Variants in SPAG16 observed in about 807,000 individuals in gnomAD.
SPAG16 encodes sperm associated antigen 16.
A neutral mutation model predicts 80.4 loss-of-function variants in SPAG16; 86 were observed. That is an observed-to-expected ratio of 1.07 (90% CI 0.90 to 1.28). The LOEUF (loss-of-function observed/expected upper bound fraction) is 1.28. SPAG16 is among the 50% of genes most tolerant of loss of function. The probability of loss-of-function intolerance (pLI) is 0.00; values close to 1 mark genes in which losing one functional copy is unlikely to be tolerated. For missense variants in SPAG16, 870 were observed against 765.3 expected (o/e 1.14, Z -1.61); for synonymous variants, 294 against 265.9 (o/e 1.11, Z -1.03).
chr2:213,349,063 C>T (rs1317702126), intron 6 of SPAG16, among the ~76,000 whole-genome samples: 1 of 152,066 alleles, frequency 6.6e-6, no homozygotes, highest in Non-Finnish European at 1.5e-5. Context: ...TTTTAAAAAT[C>T]TCAGGGGATT....
chr2:214,275,989 CAT>C (rs1385837514), intron 15 of SPAG16, among the ~76,000 whole-genome samples: 3 of 152,244 alleles, frequency 2.0e-5, no homozygotes, highest in Admixed American at 2.0e-4. Context: ...GTATTGGGTG[CAT>C]ATATATTTAG....
chr2:213,659,032 C>T (rs1275785223), intron 10 of SPAG16, among the ~76,000 whole-genome samples: 1 of 151,576 alleles, frequency 6.6e-6, no homozygotes, highest in Non-Finnish European at 1.5e-5. Context: ...GAGACTCTGT[C>T]TCAAAAAAAA....
At chr2:214,059,383 C>T (rs1416974062) in intron 13 of SPAG16, among the ~76,000 whole-genome samples, 2 of 150,500 alleles carry the variant, frequency 1.3e-5, no homozygotes, top group Admixed American at 1.3e-4. Context: ...ATTTGTTACC[C>T]TTTTCTTCTT....
At chr2:213,507,540 T>A (rs762713918) in intron 10 of SPAG16, among the ~76,000 whole-genome samples, 3 of 152,220 alleles carry the variant, frequency 2.0e-5, no homozygotes, top group Non-Finnish European at 4.4e-5. Flanking sequence ...CCTCAGTAGA[T>A]GATAGTCTTT....
intron 10 of SPAG16, among the ~76,000 whole-genome samples, chr2:213,848,773 C>T (rs1020924133): frequency 3.3e-5 from 5 of 152,154 alleles, no homozygotes; most frequent in African/African-American, 7.2e-5. Flanking sequence ...TTCAGCTTCC[C>T]CTTGCCAGCA....
chr2:213,565,393 T>A (rs897293908), intron 10 of SPAG16, among the ~76,000 whole-genome samples: 3 of 152,240 alleles, frequency 2.0e-5, no homozygotes, highest in Non-Finnish European at 4.4e-5. Flanking sequence ...AAACAGCTTA[T>A]TTCTAAGCAA....
At chr2:213,830,337 G>C (rs183216785) in intron 10 of SPAG16, among the ~76,000 whole-genome samples, 1 of 152,136 alleles carries the variant, frequency 6.6e-6, no homozygotes, top group Non-Finnish European at 1.5e-5. Flanking sequence ...TTCTCTATCT[G>C]GGTCACTCAT....
chr2:213,719,576 AAGC>A, intron 10 of SPAG16, among the ~76,000 whole-genome samples: 1 of 152,284 alleles, frequency 6.6e-6, no homozygotes, highest in South Asian at 2.1e-4. Flanking sequence ...AAGAGAATAA[AAGC>A]AGGCTGCCCG....
intron 3 of SPAG16, among the ~76,000 whole-genome samples, chr2:213,304,988 T>A (rs1281476127): frequency 6.6e-6 from 1 of 152,210 alleles, no homozygotes; most frequent in Non-Finnish European, 1.5e-5. Flanking sequence ...TTGGCAGTAT[T>A]GATTCTTCTA....
rs181164668 is a variant in SPAG16, at chr2:213,400,806, T to C, written c.942+25687T>C. 1.6e-4 allele frequency among the ~76,000 whole-genome samples: 25 copies of C among 152,096 alleles called. 1 individual carries two copies. The highest frequency in any genetic ancestry group is 6.0e-4 in the African/African-American group (25 of 41,496). ...TCTACTTCCCTGATTTTTTTAGTCT[T>C]TGTTTTTTTCTTTTTTTTGAGACAG... On this transcript the variant is annotated intron_variant, in intron 9 of 15. Coordinates refer to ENST00000331683, the MANE Select transcript of SPAG16 (RefSeq NM_024532.5).
rs1236903956 is a variant in SPAG16, at chr2:213,407,623, G to C, written c.942+32504G>C. Among the ~76,000 whole-genome samples the C allele has an allele frequency of 6.4e-4, 85 of 133,484 alleles. 1 individual carries two copies. Among genetic ancestry groups the C allele is most frequent in the African/African-American group, 1.8e-3 (67 of 38,156 alleles). The allele number at this position is 133,484 out of a possible 152,430, so 87.6% of individuals were successfully genotyped here. A position where few individuals can be genotyped will look rare whatever the true frequency, so the allele number is the denominator to read the frequency against. On this transcript the variant is annotated intron_variant, in intron 9 of 15. Coordinates refer to ENST00000331683, the MANE Select transcript of SPAG16 (RefSeq NM_024532.5). ...AGAGAGAGAGAGAGAGAGAGAGAGA[G>C]AGAGAGAGAGAGAGAGACAGACAGA...
intron 9 of SPAG16, among the ~76,000 whole-genome samples, chr2:213,376,648 C>G (rs1195052632): frequency 6.6e-6 from 1 of 151,930 alleles, no homozygotes; most frequent in Non-Finnish European, 1.5e-5. Flanking sequence ...TCCGCCGTAA[C>G]AAAGAGGCAT....
chr2:213,701,409 C>G (rs933887313), intron 10 of SPAG16, among the ~76,000 whole-genome samples: 3 of 151,990 alleles, frequency 2.0e-5, no homozygotes, highest in African/African-American at 7.2e-5. Flanking sequence ...TGCTAGCAGC[C>G]CTCACTCACT....
In SPAG16 at chr2:213,798,526, A is replaced by G. The variant is rs569267122; in HGVS notation, c.1071-63959A>G. Among the ~76,000 whole-genome samples the G allele has an allele frequency of 2.6e-5, 4 of 152,226 alleles. No homozygotes were observed. In the East Asian group the frequency reaches 7.7e-4, roughly 29 times the overall value. On this transcript the variant is annotated intron_variant, in intron 10 of 15. Transcript: ENST00000331683. ...CACCTTGGCCTCCCAGAATGTTGGT[A>G]TTAACAGATGTGAGCCACTGCACCC...
intron 15 of SPAG16, among the ~76,000 whole-genome samples, chr2:214,237,730 A>G (rs1689175219): frequency 1.3e-5 from 2 of 151,990 alleles, no homozygotes; most frequent in Non-Finnish European, 2.9e-5. Context: ...ACTTCATCTC[A>G]TTTCCTCTCT....
At chr2:214,222,031 T>C (rs2058584392) in intron 15 of SPAG16, among the ~76,000 whole-genome samples, 1 of 151,572 alleles carries the variant, frequency 6.6e-6, no homozygotes, top group Non-Finnish European at 1.5e-5. Context: ...CACAGAAAAG[T>C]GGTATTGAAT....
intron 7 of SPAG16, among the ~76,000 whole-genome samples, chr2:213,360,903 A>G (rs2125105519): frequency 6.6e-6 from 1 of 152,356 alleles, no homozygotes; most frequent in South Asian, 2.1e-4. Flanking sequence ...GATGTGAGTT[A>G]AGAGCAGTAA....
chr2:213,912,532 A>G (rs2077722449), intron 11 of SPAG16, among the ~76,000 whole-genome samples: 1 of 152,186 alleles, frequency 6.6e-6, no homozygotes, highest in Non-Finnish European at 1.5e-5. Context: ...TTTCCTGGAA[A>G]TAGTGTGCTT....
rs137974609 is a variant in SPAG16, at chr2:213,980,478, T to C, written c.1401-33473T>C. 3.2e-3 allele frequency among the ~76,000 whole-genome samples: 221 copies of C among 69,806 alleles called. 9 individuals are homozygous for C. The highest frequency in any genetic ancestry group is 0.026 in the South Asian group (22 of 856). 45.8% of individuals were successfully genotyped at this position (69,806 alleles called of 152,430 possible). A position where few individuals can be genotyped will look rare whatever the true frequency, so the allele number is the denominator to read the frequency against. Reference sequence around the variant, plus strand: ...TATATATATAGAATATATGTGTGTATATATATAATATATATAGAATATATG... The same window carrying C: ...TATATATATAGAATATATGTGTGTACATATATAATATATATAGAATATATG... On this transcript the variant is annotated intron_variant, in intron 12 of 15. Coordinates refer to ENST00000331683, the MANE Select transcript of SPAG16 (RefSeq NM_024532.5).
Sources: allele counts gnomAD v4.1 joint callset (sites outside exome capture counted in the v4.1 genomes callset), GRCh38; gene constraint gnomAD v4.1.1; transcripts MANE v1.5; gene names NCBI Gene and HGNC (gene_info 2026-07-23, HGNC 2026-07-21).